Variants in TUSC3 observed in about 807,000 individuals in gnomAD.
The protein encoded by TUSC3 is tumor suppressor candidate 3, also known as dolichyl-diphosphooligosaccharide--protein glycosyltransferase subunit TUSC3.
TUSC3 carries 45 observed loss-of-function variants against 44.8 expected under a neutral mutation model. The ratio of observed to expected loss-of-function variants is 1.00; its 90% CI spans 0.79 to 1.29. TUSC3 has a LOEUF of 1.29. Among genes scored for constraint, TUSC3 ranks in the 50% most tolerant of loss-of-function variants. TUSC3 has a pLI of 0.00. For missense variants in TUSC3, 519 were observed against 437.9 expected (o/e 1.19, Z -1.65); for synonymous variants, 212 against 152.9 (o/e 1.39, Z -2.85).
intron 6 of TUSC3, among the ~76,000 whole-genome samples, chr8:15,685,153 C>T (rs1808577501): frequency 6.6e-6 from 1 of 152,134 alleles, no homozygotes; most frequent in African/African-American, 2.4e-5. Context: ...TGTGCTTCTG[C>T]CTATTCTCTG....
intron 1 of TUSC3, among the ~76,000 whole-genome samples, chr8:15,445,319 T>TA (rs1191727963): frequency 7.2e-5 from 11 of 152,118 alleles, no homozygotes; most frequent in Non-Finnish European, 1.0e-4. Context: ...GATTTTATTT[T>TA]TTTTTTTTTT....
chr8:15,429,086 G>A (rs938284221), intron 1 of TUSC3, among the ~76,000 whole-genome samples: 1 of 152,032 alleles, frequency 6.6e-6, no homozygotes, highest in African/African-American at 2.4e-5. Flanking sequence ...TTTCTTCTAG[G>A]GTTTTTATGG....
At chr8:15,585,141 G>C (rs1246215814) in intron 1 of TUSC3, among the ~76,000 whole-genome samples, 1 of 152,108 alleles carries the variant, frequency 6.6e-6, no homozygotes, top group Non-Finnish European at 1.5e-5. Context: ...AGGGGATAGA[G>C]TAAAAAATTC....
At chr8:15,612,392 T>C (rs1207384136) in intron 1 of TUSC3, among the ~76,000 whole-genome samples, 1 of 152,188 alleles carries the variant, frequency 6.6e-6, no homozygotes, top group East Asian at 1.9e-4. Flanking sequence ...TGAGCTCTTA[T>C]TCTATTTAAG....
At chr8:15,506,011 C>G (rs1801046509) in intron 2 of TUSC3, among the ~76,000 whole-genome samples, 1 of 152,292 alleles carries the variant, frequency 6.6e-6, no homozygotes, top group Admixed American at 6.5e-5. Flanking sequence ...TCACAGCACC[C>G]TGGTGTGCTA....
chr8:15,536,378 T>C (rs1159814195), upstream of TUSC3, among the ~76,000 whole-genome samples: 4 of 152,024 alleles, frequency 2.6e-5, no homozygotes, highest in Non-Finnish European at 5.9e-5. Flanking sequence ...CCAGACACTT[T>C]ACCAAGAAAA....
intron 2 of TUSC3, among the ~76,000 whole-genome samples, chr8:15,636,117 C>G (rs1387322693): frequency 6.6e-6 from 1 of 152,126 alleles, no homozygotes; most frequent in Non-Finnish European, 1.5e-5. Flanking sequence ...GAGTTCTGCC[C>G]ACTGAGCAGA....
intron 7 of TUSC3, among the ~76,000 whole-genome samples, chr8:15,742,254 G>A (rs890789400): frequency 3.2e-3 from 15 of 4,722 alleles, no homozygotes; most frequent in African/African-American, 9.5e-3. Context: ...TCTTGTATAT[G>A]TTAGGCTCCC....
At chr8:15,510,783 CAGAA>C (rs933637296) in intron 2 of TUSC3, among the ~76,000 whole-genome samples, 4 of 147,584 alleles carry the variant, frequency 2.7e-5, no homozygotes, top group African/African-American at 7.4e-5. Flanking sequence ...TAAAAAAAAA[CAGAA>C]AGACAAATAT....
At chr8:15,527,303 G>A (rs975433591) in intron 2 of TUSC3, among the ~76,000 whole-genome samples, 6 of 152,014 alleles carry the variant, frequency 3.9e-5, no homozygotes, top group Non-Finnish European at 5.9e-5. Context: ...TACAACCTCC[G>A]CCTCCCAGGT....
chr8:15,770,641 A>G (rs1438335206), downstream of TUSC3, among the ~76,000 whole-genome samples: 1 of 152,198 alleles, frequency 6.6e-6, no homozygotes, highest in African/African-American at 2.4e-5. Context: ...ATAATAATAT[A>G]GTAATAATTG....
At chr8:15,476,133 G>A (rs920343884) in intron 1 of TUSC3, among the ~76,000 whole-genome samples, 2 of 152,112 alleles carry the variant, frequency 1.3e-5, no homozygotes, top group Non-Finnish European at 2.9e-5. Flanking sequence ...ATAACTAATT[G>A]TGTAATATTT....
upstream of TUSC3, among the ~76,000 whole-genome samples, chr8:15,537,313 C>T (rs117128009): frequency 3.1e-3 from 478 of 152,266 alleles, 6 homozygotes; most frequent in East Asian, 0.034. Context: ...AAGCTCCCCT[C>T]CACCCCACTT....
chr8:15,474,719 A>G (rs1196754855), intron 1 of TUSC3, among the ~76,000 whole-genome samples: 1 of 152,194 alleles, frequency 6.6e-6, no homozygotes, highest in Non-Finnish European at 1.5e-5. Context: ...CTTAAATTTG[A>G]ATGTCCAAAG....
intron 1 of TUSC3, among the ~76,000 whole-genome samples, chr8:15,575,039 A>C (rs1177908100): frequency 6.6e-6 from 1 of 152,102 alleles, no homozygotes; most frequent in African/African-American, 2.4e-5. Flanking sequence ...GTATTTAGAA[A>C]ATTTTTATAC....
At chr8:15,504,140 T>C (rs1393365357) in intron 2 of TUSC3, among the ~76,000 whole-genome samples, 1 of 151,482 alleles carries the variant, frequency 6.6e-6, no homozygotes, top group Non-Finnish European at 1.5e-5. Flanking sequence ...ATGAATACAA[T>C]AGGGTAGAGG....
intron 6 of TUSC3, among the ~76,000 whole-genome samples, chr8:15,722,824 G>A (rs1244246980): frequency 7.9e-6 from 1 of 127,370 alleles, no homozygotes; most frequent in Non-Finnish European, 1.7e-5. Flanking sequence ...TAAAAAAACT[G>A]TTTAAATAAA....
intron 1 of TUSC3, among the ~76,000 whole-genome samples, chr8:15,461,267 T>TTTTG (rs373497487): frequency 0.017 from 2,625 of 152,164 alleles, 64 homozygotes; most frequent in African/African-American, 0.051. Flanking sequence ...TTCCTAAGTG[T>TTTTG]TTTGTTTGTT....
the TUSC3 span, among the ~76,000 whole-genome samples, chr8:15,796,352 A>G: frequency 6.6e-6 from 1 of 152,158 alleles, no homozygotes; most frequent in South Asian, 2.1e-4. Context: ...GATCCCAAAG[A>G]GGACATATGG....
Sources: allele counts gnomAD v4.1 joint callset (sites outside exome capture counted in the v4.1 genomes callset), GRCh38; gene constraint gnomAD v4.1.1; transcripts MANE v1.5; gene names NCBI Gene and HGNC (gene_info 2026-07-23, HGNC 2026-07-21).